Variants in ANKRD36 observed in about 807,000 individuals in gnomAD.
ANKRD36 encodes ankyrin repeat domain-containing protein 36A.
Under a neutral mutation model 278.1 loss-of-function variants are expected in ANKRD36, and 179 were observed. That is an observed-to-expected ratio of 0.64 (90% CI 0.57 to 0.73). The LOEUF (loss-of-function observed/expected upper bound fraction) is 0.73. ANKRD36 is among the 30% of genes least tolerant of loss of function. The pLI is 0.00. For missense variants in ANKRD36, 1,159 were observed against 1,956.7 expected (o/e 0.59, Z 7.69); for synonymous variants, 320 against 641.1 (o/e 0.50, Z 7.57).
chr2:97,210,031 G>A (rs968794544), intron 56 of ANKRD36, among the ~76,000 whole-genome samples, 159 bp downstream of exon 56: 2 of 151,934 alleles, frequency 1.3e-5, no homozygotes, highest in Admixed American at 1.3e-4. Context: ...TGCTGATGCT[G>A]CTGGCCTGGA....
chr2:97,192,975 ATT>A lies in ANKRD36; in HGVS notation c.2377-5_2377-4del. On this transcript the variant is annotated splice_polypyrimidine_tract_variant and splice_region_variant and intron_variant, in intron 37 of 75. Transcript: ENST00000420699. ...AATTTATTATTTCATTTGAAATTCC[ATT>A]CAGGCTACAAGTGACGAGGAAGGTT... 2 of 1,584,228 alleles carry A rather than the reference ATT, an allele frequency of 1.3e-6. No individual in the cohort carries two copies. Among genetic ancestry groups the A allele is most frequent in the Non-Finnish European group, 1.7e-6 (2 of 1,165,332 alleles).
chr2:97,211,735 G>C lies in ANKRD36; in HGVS notation c.3463G>C (p.Gly1155Arg). 1 of 1,581,014 alleles carries C rather than the reference G, an allele frequency of 6.3e-7. No individual in the cohort carries two copies. The highest frequency in any genetic ancestry group is 8.6e-7 in the Non-Finnish European group (1 of 1,164,482). Residue 1155 changes from glycine (G) to arginine (R), a missense_variant, in exon 58 of 76, where the codon GGG (glycine) becomes CGG (arginine). By Grantham distance (125) the Gly-to-Arg change is moderately radical. Coordinates refer to ENST00000420699, the MANE Select transcript of ANKRD36 (RefSeq NM_001354587.1). Reference sequence around the variant, plus strand: ...GGAAAAAAAGGATGAACAAATATCTGGGACAGGTAATTTTGCAAACACATT... The same window carrying C: ...GGAAAAAAAGGATGAACAAATATCTCGGACAGGTAATTTTGCAAACACATT... ...ATEKKDEQIS[G>R]TVSCQKQPAL...
chr2:97,206,225 G>A (rs1163929752), intron 52 of ANKRD36, 90 bp downstream of exon 52: 7 of 1,331,694 alleles, frequency 5.3e-6, no homozygotes, highest in African/African-American at 4.5e-5. Context: ...GCTCATCGAA[G>A]CTGCACTTTC....
rs115086514 is a variant in ANKRD36 at position 97,143,088 on chromosome 2, C to T, written c.901+253C>T. Among the ~76,000 whole-genome samples, 4,656 of 151,766 alleles carry T rather than the reference C, an allele frequency of 0.031. 109 individuals carry two copies. The highest frequency in any genetic ancestry group is 0.05 in the Non-Finnish European group (3,379 of 67,908). ...GGAGAGCAGTGCAAGATATAACAGG[C>T]AAAGGGACAGCATATTCTTACTTTA... On this transcript the variant is annotated intron_variant, in intron 8 of 75. Transcript: ENST00000420699.
intron 48 of ANKRD36, among the ~76,000 whole-genome samples, chr2:97,202,603 A>C (rs1174050408): frequency 6.6e-6 from 1 of 151,784 alleles, no homozygotes; most frequent in Non-Finnish European, 1.5e-5. Flanking sequence ...CCCCACATTG[A>C]AGTTGGGAAG....
intron 67 of ANKRD36, among the ~76,000 whole-genome samples, chr2:97,232,912 T>C (rs2072654234): frequency 1.3e-5 from 2 of 152,090 alleles, no homozygotes; most frequent in African/African-American, 2.4e-5. Flanking sequence ...ACACCGCTAA[T>C]TGGAAATTAA....
chr2:97,179,488 T>C (rs2055474851), intron 22 of ANKRD36, among the ~76,000 whole-genome samples: 1 of 151,626 alleles, frequency 6.6e-6, no homozygotes, highest in Admixed American at 6.6e-5. Flanking sequence ...TTATTTTAGT[T>C]TTAGACATAT....
At position 97,231,733 on chromosome 2, in the gene ANKRD36, C is replaced by T. The variant is rs368664612; in HGVS notation, c.3952-1997C>T. On this transcript the variant is annotated intron_variant, in intron 67 of 75. Coordinates refer to ENST00000420699, the MANE Select transcript of ANKRD36 (RefSeq NM_001354587.1). ...AACCACCCATCTTCTGCGTCGCTCA[C>T]GCTGGGAGCTGTAGACTGGAGCTGT... Among the ~76,000 whole-genome samples the T allele has an allele frequency of 1.1e-4, 17 of 152,222 alleles. No homozygotes were observed. In the South Asian group the frequency reaches 1.7e-3, roughly 15 times the overall value.
chr2:97,180,049 T>C (rs563531212), intron 24 of ANKRD36, 116 bp downstream of exon 24: 2 of 1,481,102 alleles, frequency 1.4e-6, no homozygotes, highest in Non-Finnish European at 1.8e-6. Flanking sequence ...TCAGTACACC[T>C]GAGATTCTTC....
rs1210801282 is a variant in ANKRD36, at chr2:97,230,392, C to G, written c.3952-3338C>G. On this transcript the variant is annotated intron_variant, in intron 67 of 75. Transcript: ENST00000420699. ...TCTCGTTTCATTTCATTCATTTCAT[C>G]TTCCATCACTGATACCCTTTCTTCC... is the stretch of plus-strand genomic sequence containing the variant. Among the ~76,000 whole-genome samples, 2 of 152,066 alleles carry G rather than the reference C, an allele frequency of 1.3e-5. 1 individual carries two copies. Among genetic ancestry groups the G allele is most frequent in the East Asian group, 3.9e-4 (2 of 5,108 alleles).
chr2:97,210,357 G>T (rs2064106059), intron 56 of ANKRD36, among the ~76,000 whole-genome samples: 2 of 151,820 alleles, frequency 1.3e-5, no homozygotes, highest in Non-Finnish European at 2.9e-5. Context: ...GGAATAAGAG[G>T]AATTCTTTTA....
chr2:97,144,000 A>G (rs71429333), intron 8 of ANKRD36, among the ~76,000 whole-genome samples: 272 of 112,390 alleles, frequency 2.4e-3, no homozygotes, highest in Admixed American at 4.6e-3. Flanking sequence ...ATCAATTCGG[A>G]ACACTTCCAC....
At chr2:97,185,229 T>C (rs1050959521) in intron 28 of ANKRD36, 87 bp from the exon 29 acceptor site, 42 of 1,527,752 alleles carry the variant, frequency 2.7e-5, no homozygotes, top group Middle Eastern at 2.2e-4. Flanking sequence ...GGCAGGAGCA[T>C]ACAGCTTGAT....
At chr2:97,207,706 C>A in intron 52 of ANKRD36, 105 bp from the exon 53 acceptor site, 3 of 1,513,132 alleles carry the variant, frequency 2.0e-6, no homozygotes, top group Non-Finnish European at 2.7e-6. Context: ...AAAGCCTACG[C>A]TAATACAGGC....
At chr2:97,242,655 A>C (rs1204392225) in intron 69 of ANKRD36, among the ~76,000 whole-genome samples, 1 of 141,894 alleles carries the variant, frequency 7.0e-6, no homozygotes, top group Admixed American at 7.4e-5. Flanking sequence ...CTATCTTGCA[A>C]TGTAAATTAT....
chr2:97,135,477 TATA>T (rs2041251123), intron 6 of ANKRD36, among the ~76,000 whole-genome samples: 5 of 151,976 alleles, frequency 3.3e-5, no homozygotes, highest in African/African-American at 9.7e-5. Context: ...TATCATGTAC[TATA>T]GTCACCCTAC....
At chr2:97,183,784 C>A (rs2056800030) in intron 28 of ANKRD36, 130 bp downstream of exon 28, 5 of 1,291,998 alleles carry the variant, frequency 3.9e-6, no homozygotes, top group Non-Finnish European at 5.3e-6. Context: ...TTATGCATTT[C>A]TAGTAAGTTG....
At position 97,128,364 on chromosome 2, in the gene ANKRD36, C is replaced by G. The variant is rs2443914; in HGVS notation, c.799+1230C>G. Among the ~76,000 whole-genome samples, 478 of 151,890 alleles carry G rather than the reference C, an allele frequency of 3.1e-3. 2 individuals carry two copies. Among genetic ancestry groups the G allele is most frequent in the African/African-American group, 9.8e-3 (408 of 41,460 alleles). ...GAGAATGAGCAGTGGCTAGAGAAAA[C>G]TAGGAGAGGAGTCAGAGGAAGTGAT... On this transcript the variant is annotated intron_variant, in intron 6 of 75. Transcript: ENST00000420699.
rs557060048 is a variant in ANKRD36, at chr2:97,175,088, T to C, written c.1634-4650T>C. Among the ~76,000 whole-genome samples the C allele has an allele frequency of 4.8e-4, 70 of 147,234 alleles. 1 individual carries two copies. The Middle Eastern group carries it at 0.017, about 37-fold the overall frequency. ...TCAAGGATATTGGTCTAAAATTCTC[T>C]TTTTTTGTTGTGTCTCTGCCTGGCT... On this transcript the variant is annotated intron_variant, in intron 22 of 75. Transcript: ENST00000420699.
Sources: allele counts gnomAD v4.1 joint callset (sites outside exome capture counted in the v4.1 genomes callset), GRCh38; gene constraint gnomAD v4.1.1; transcripts MANE v1.5; gene names NCBI Gene and HGNC (gene_info 2026-07-23, HGNC 2026-07-21).